NXNL2: variants seen among roughly 807,000 people sequenced by gnomAD.
The protein encoded by NXNL2 is nucleoredoxin like 2, also known as nucleoredoxin-like protein 2.
Under a neutral mutation model 11.1 loss-of-function variants are expected in NXNL2, and 7 were observed. The observed-to-expected ratio is 0.63, with a 90% confidence interval of 0.36 to 1.18. NXNL2 has a LOEUF of 1.18. NXNL2 is among the 50% of genes most tolerant of loss of function. NXNL2 has a pLI of 0.02. For synonymous variants in NXNL2, 109 were observed against 101.8 expected, an observed-to-expected ratio of 1.07 and a Z score of -0.42; for missense variants, 233 against 217.7, an observed-to-expected ratio of 1.07 and a Z score of -0.44.
chr9:88,564,309 CT>C (rs879653638), intron 1 of NXNL2, among the ~76,000 whole-genome samples: 100 of 150,926 alleles, frequency 6.6e-4, no homozygotes, highest in Non-Finnish European at 4.6e-4. Flanking sequence ...ATCTATCTAT[CT>C]ATCTATCTAT....
chr9:88,575,010 C>A, intron 2 of NXNL2: 1 of 303,606 alleles, frequency 3.3e-6, no homozygotes, highest in Non-Finnish European at 4.8e-6. Context: ...GATTTTGCAA[C>A]TGCATTTTTA....
chr9:88,583,202 G>T (rs1301365311), intron 1 of NXNL2, among the ~76,000 whole-genome samples: 1 of 152,244 alleles, frequency 6.6e-6, no homozygotes, highest in African/African-American at 2.4e-5. Flanking sequence ...CACTGTTCAA[G>T]TCTCTGCTTC....
chr9:88,576,944 G>A (rs1830354676), downstream of NXNL2, among the ~76,000 whole-genome samples: 1 of 135,200 alleles, frequency 7.4e-6, no homozygotes, highest in Non-Finnish European at 1.6e-5. Flanking sequence ...ACTGGGGTGA[G>A]CCACCACCCA....
intron 1 of NXNL2, among the ~76,000 whole-genome samples, chr9:88,557,192 C>T (rs1481171397): frequency 6.6e-6 from 1 of 152,076 alleles, no homozygotes; most frequent in Non-Finnish European, 1.5e-5. Context: ...GCACAGATTT[C>T]CATTCTTTGG....
At chr9:88,560,082 G>A (rs1432700932) in intron 1 of NXNL2, among the ~76,000 whole-genome samples, 2 of 152,082 alleles carry the variant, frequency 1.3e-5, no homozygotes, top group African/African-American at 4.8e-5. Flanking sequence ...GAGTATTCCT[G>A]TCTTTTATCA....
downstream of NXNL2, among the ~76,000 whole-genome samples, chr9:88,578,058 T>C (rs559078938): frequency 2.0e-5 from 3 of 152,356 alleles, no homozygotes; most frequent in Admixed American, 2.0e-4. Context: ...GTGAAATGAC[T>C]GAGAATTTGG....
At chr9:88,576,959 G>C (rs1177378570), downstream of NXNL2, among the ~76,000 whole-genome samples, 5 of 14,684 alleles carry the variant, frequency 3.4e-4, no homozygotes, top group Non-Finnish European at 4.8e-4. Flanking sequence ...CACCCATAGA[G>C]TGGTAGGTAG....
At chr9:88,551,645 C>T (rs1587846771) in intron 1 of NXNL2, among the ~76,000 whole-genome samples, 1 of 152,180 alleles carries the variant, frequency 6.6e-6, no homozygotes, top group South Asian at 2.1e-4. Flanking sequence ...GTGGCTTCCC[C>T]TTCCCCTTCC....
At chr9:88,563,051 G>T (rs1351999391) in intron 1 of NXNL2, among the ~76,000 whole-genome samples, 1 of 152,114 alleles carries the variant, frequency 6.6e-6, no homozygotes, top group Non-Finnish European at 1.5e-5. Context: ...TCATGCCACT[G>T]CAATCCAGCC....
chr9:88,540,756 G>C (rs1829739009), intron 1 of NXNL2, among the ~76,000 whole-genome samples: 1 of 112,284 alleles, frequency 8.9e-6, no homozygotes, highest in Admixed American at 9.8e-5. Context: ...TGTGTCCATT[G>C]GTTCTTTGGG....
At chr9:88,569,014 C>A (rs781285961) in intron 1 of NXNL2, among the ~76,000 whole-genome samples, 9 of 152,132 alleles carry the variant, frequency 5.9e-5, no homozygotes, top group Non-Finnish European at 1.2e-4. Context: ...GCAGCCTCAA[C>A]CTCTCAGGCT....
At chr9:88,567,951 GC>G (rs1314147942) in intron 1 of NXNL2, among the ~76,000 whole-genome samples, 5 of 152,190 alleles carry the variant, frequency 3.3e-5, no homozygotes, top group Admixed American at 6.5e-5. Context: ...GATGCTGGGT[GC>G]CAGTCCCTCC....
chr9:88,571,179 C>T (rs980988288), exon 2 of NXNL2: 4 of 314,508 alleles, frequency 1.3e-5, no homozygotes, highest in Non-Finnish European at 2.5e-5. Context: ...GATTCTCTAG[C>T]CTTAGCCTCC....
At chr9:88,538,673 G>A (rs993355346) in intron 1 of NXNL2, among the ~76,000 whole-genome samples, 1 of 152,180 alleles carries the variant, frequency 6.6e-6, no homozygotes, top group African/African-American at 2.4e-5. Flanking sequence ...CCCCATTTCT[G>A]TACTATTAAG....
intron 1 of NXNL2, among the ~76,000 whole-genome samples, chr9:88,557,080 CAA>C (rs150400954): frequency 0.015 from 834 of 55,578 alleles, 6 homozygotes; most frequent in African/African-American, 0.034. Context: ...GACTCCATCT[CAA>C]AAAAAAAAAA....
chr9:88,578,261 G>A (rs1274230768), downstream of NXNL2, among the ~76,000 whole-genome samples: 1 of 152,162 alleles, frequency 6.6e-6, no homozygotes, highest in Non-Finnish European at 1.5e-5. Context: ...GGTGGGCTGC[G>A]CTGGACCCCA....
downstream of NXNL2, among the ~76,000 whole-genome samples, chr9:88,577,815 C>T (rs902866679): frequency 2.6e-5 from 4 of 152,192 alleles, no homozygotes; most frequent in African/African-American, 9.7e-5. Context: ...AGGGCATCAA[C>T]ATATGAACTA....
At chr9:88,560,556 A>C (rs1816986358) in intron 1 of NXNL2, among the ~76,000 whole-genome samples, 1 of 152,084 alleles carries the variant, frequency 6.6e-6, no homozygotes, top group Admixed American at 6.6e-5. Flanking sequence ...ACTACCTGCG[A>C]CAAACAGAGA....
downstream of NXNL2, among the ~76,000 whole-genome samples, chr9:88,577,952 C>T: frequency 6.6e-6 from 1 of 152,222 alleles, no homozygotes; most frequent in East Asian, 1.9e-4. Flanking sequence ...CGCCCCTAGG[C>T]GCAGGCCCCT....
Sources: allele counts gnomAD v4.1 joint callset (sites outside exome capture counted in the v4.1 genomes callset), GRCh38; gene constraint gnomAD v4.1.1; transcripts MANE v1.5; gene names NCBI Gene and HGNC (gene_info 2026-07-23, HGNC 2026-07-21).